ADAM22: variants seen among roughly 807,000 people sequenced by gnomAD.
ADAM22 encodes the protein disintegrin and metalloproteinase domain-containing protein 22.
In ADAM22, 65 loss-of-function variants were observed where a neutral mutation model predicts 144.6. That is an observed-to-expected ratio of 0.45 (90% CI 0.37 to 0.55). ADAM22 has a LOEUF of 0.55. Ranked by LOEUF, ADAM22 falls within the 20% of genes least tolerant of loss-of-function variation. ADAM22 has a pLI of 0.00. For synonymous variants in ADAM22, 391 were observed against 412.6 expected, an observed-to-expected ratio of 0.95 and a Z score of 0.63; for missense variants, 974 against 1,184.9, an observed-to-expected ratio of 0.82 and a Z score of 2.61.
intron 4 of ADAM22, among the ~76,000 whole-genome samples, chr7:88,093,356 A>G (rs2129485300): frequency 6.6e-6 from 1 of 152,328 alleles, no homozygotes; most frequent in East Asian, 1.9e-4. Context: ...TCATTAATAA[A>G]AATACCTTAG....
chr7:88,082,166 C>T (rs965675734), intron 4 of ADAM22, among the ~76,000 whole-genome samples: 211 of 152,140 alleles, frequency 1.4e-3, no homozygotes, highest in African/African-American at 4.3e-3. Context: ...AGAACAGAGC[C>T]CTCAGAAATA....
At chr7:88,035,319 G>A (rs2129470138) in intron 3 of ADAM22, among the ~76,000 whole-genome samples, 1 of 152,294 alleles carries the variant, frequency 6.6e-6, no homozygotes, top group Admixed American at 6.5e-5. Flanking sequence ...CTTGGCTTGG[G>A]CCCTAGATCC....
intron 30 of ADAM22, among the ~76,000 whole-genome samples, chr7:88,187,987 C>T (rs1486402619): frequency 6.6e-6 from 1 of 151,848 alleles, no homozygotes; most frequent in African/African-American, 2.4e-5. Flanking sequence ...CATACACATA[C>T]ACTCACATTC....
At position 87,941,384 on chromosome 7, in the gene ADAM22, T is replaced by G. The variant is rs971485; in HGVS notation, c.246+6198T>G. Among the ~76,000 whole-genome samples, 549 of 152,340 alleles carry G rather than the reference T, an allele frequency of 3.6e-3. 7 individuals carry two copies. In the East Asian group the frequency reaches 0.053, roughly 15 times the overall value. ...ATGAGCTGTACTTTACATTGTGCTG[T>G]TTCATTGAGGGGCACTGAGTCAGCT... is the stretch of plus-strand genomic sequence containing the variant. On this transcript the variant is annotated intron_variant, in intron 2 of 31. Coordinates refer to ENST00000413139, the MANE Select transcript of ADAM22 (RefSeq NM_001324418.2).
intron 2 of ADAM22, among the ~76,000 whole-genome samples, chr7:87,936,801 G>C (rs1210494500): frequency 6.6e-6 from 1 of 151,244 alleles, no homozygotes; most frequent in Non-Finnish European, 1.5e-5. Flanking sequence ...TCGTAAATAT[G>C]TATGTATATA....
In ADAM22 at chr7:88,052,044, A is replaced by G. The variant is rs149164474; in HGVS notation, c.324-23582A>G. On this transcript the variant is annotated intron_variant, in intron 3 of 31. Transcript: ENST00000413139. ...TTGCTAATTGAATTTATCCAAATAT[A>G]TCATTTGTTGCAACTTTGATGTGTT... is the stretch of plus-strand genomic sequence containing the variant. Among the ~76,000 whole-genome samples, 20 of 152,288 alleles carry G rather than the reference A, an allele frequency of 1.3e-4. No individual in the cohort carries two copies. In the East Asian group the frequency reaches 3.1e-3, roughly 23 times the overall value.
intron 4 of ADAM22, among the ~76,000 whole-genome samples, chr7:88,088,946 ATTTC>A (rs1165776289): frequency 6.7e-6 from 1 of 149,854 alleles, no homozygotes; most frequent in Admixed American, 6.6e-5. Context: ...ACTGCATTCC[ATTTC>A]TTTTTTTTTT....
intron 3 of ADAM22, among the ~76,000 whole-genome samples, chr7:88,031,185 A>T (rs572264567): frequency 6.6e-6 from 1 of 152,322 alleles, no homozygotes; most frequent in East Asian, 1.9e-4. Flanking sequence ...TCAGTTCTTT[A>T]TAGTAATGTG....
chr7:88,053,943 C>G (rs931340885), intron 3 of ADAM22, among the ~76,000 whole-genome samples: 9 of 152,120 alleles, frequency 5.9e-5, no homozygotes, highest in African/African-American at 1.9e-4. Flanking sequence ...TCAGCCTGGC[C>G]AACATGGCGA....
chr7:87,934,656 G>A (rs893190534), intron 1 of ADAM22, 106 bp downstream of exon 1: 2 of 1,097,640 alleles, frequency 1.8e-6, no homozygotes, highest in Admixed American at 6.4e-5. Context: ...GAGTGCGCGG[G>A]GAGATTTTTT....
At chr7:88,180,447 A>C (rs1846713773) in intron 27 of ADAM22, among the ~76,000 whole-genome samples, 1 of 152,052 alleles carries the variant, frequency 6.6e-6, no homozygotes, top group Non-Finnish European at 1.5e-5. Context: ...TGATGTTGAG[A>C]AATTCCAACC....
At chr7:88,082,368 T>TA (rs1816967516) in intron 4 of ADAM22, among the ~76,000 whole-genome samples, 1 of 152,150 alleles carries the variant, frequency 6.6e-6, no homozygotes, top group Non-Finnish European at 1.5e-5. Context: ...ATGTTACACC[T>TA]AAAACCATAA....
chr7:88,117,371 A>G (rs1374324198), intron 7 of ADAM22, among the ~76,000 whole-genome samples: 1 of 152,258 alleles, frequency 6.6e-6, no homozygotes, highest in Non-Finnish European at 1.5e-5. Context: ...CAAGAAATAG[A>G]CAAATGTCAA....
chr7:88,175,430 A>G (rs1029018923), intron 26 of ADAM22, among the ~76,000 whole-genome samples: 1 of 152,200 alleles, frequency 6.6e-6, no homozygotes, highest in African/African-American at 2.4e-5. Context: ...ATGTTATTTA[A>G]TGGGATGTAT....
chr7:88,109,917 C>T (rs181556314), intron 5 of ADAM22, among the ~76,000 whole-genome samples: 12 of 152,138 alleles, frequency 7.9e-5, no homozygotes, highest in East Asian at 5.8e-4. Context: ...CTAATGGACA[C>T]GGCCAGAAAA....
chr7:88,185,676 C>G (rs1848133658), intron 29 of ADAM22, among the ~76,000 whole-genome samples: 2 of 152,140 alleles, frequency 1.3e-5, no homozygotes, highest in Admixed American at 1.3e-4. Context: ...GCTTGGCTCC[C>G]AGGGTAAAAA....
At chr7:88,063,128 C>G (rs1001000783) in intron 3 of ADAM22, among the ~76,000 whole-genome samples, 1 of 152,116 alleles carries the variant, frequency 6.6e-6, no homozygotes, top group Non-Finnish European at 1.5e-5. Context: ...CGGATTGTTA[C>G]AAACCTTCAA....
chr7:87,940,668 A>G (rs1451600336), intron 2 of ADAM22, among the ~76,000 whole-genome samples: 1 of 152,206 alleles, frequency 6.6e-6, no homozygotes, highest in African/African-American at 2.4e-5. Context: ...AGTCCTAGAA[A>G]TGGTAGTCAA....
chr7:88,005,365 G>T (rs1297863797), intron 3 of ADAM22, among the ~76,000 whole-genome samples: 1 of 152,182 alleles, frequency 6.6e-6, no homozygotes, highest in Admixed American at 6.6e-5. Flanking sequence ...GAAGCTATCT[G>T]GATAAGCAGA....
Sources: allele counts gnomAD v4.1 joint callset (sites outside exome capture counted in the v4.1 genomes callset), GRCh38; gene constraint gnomAD v4.1.1; transcripts MANE v1.5; gene names NCBI Gene and HGNC (gene_info 2026-07-23, HGNC 2026-07-21).